Variants in EXOC6B observed in about 807,000 individuals in gnomAD.
EXOC6B encodes SEC15 homolog B.
A neutral mutation model predicts 113.5 loss-of-function variants in EXOC6B; 54 were observed. The ratio of observed to expected loss-of-function variants is 0.48; its 90% CI spans 0.38 to 0.60. The LOEUF (loss-of-function observed/expected upper bound fraction) is 0.60. Among genes scored for constraint, EXOC6B ranks in the 20% least tolerant of loss-of-function variants. The pLI, the probability that EXOC6B is intolerant of heterozygous loss-of-function variation, is 0.00. For synonymous variants in EXOC6B, 357 were observed against 339.0 expected, an observed-to-expected ratio of 1.05 and a Z score of -0.58; for missense variants, 797 against 977.5, an observed-to-expected ratio of 0.82 and a Z score of 2.46.
chr2:72,253,276 A>G (rs767964539), intron 20 of EXOC6B, among the ~76,000 whole-genome samples: 7 of 152,184 alleles, frequency 4.6e-5, no homozygotes, highest in Non-Finnish European at 1.0e-4. Flanking sequence ...CCACTGAGGA[A>G]AGCAGTTTGG....
chr2:72,308,479 TCTAA>T lies in EXOC6B; in HGVS notation c.2196+26464_2196+26467del, dbSNP rs1017947053. 2.2e-4 allele frequency among the ~76,000 whole-genome samples: 34 copies of T among 152,340 alleles called. 1 individual carries two copies. The highest frequency in any genetic ancestry group is 7.0e-4 in the African/African-American group (29 of 41,580). ...CGTTAAGCTAAAGTAAAAAAACTTT[TCTAA>T]CTAATTCACTTCTGCTACTGAGAAG... On this transcript the variant is annotated intron_variant, in intron 20 of 21. Coordinates refer to ENST00000272427, the MANE Select transcript of EXOC6B (RefSeq NM_015189.3).
chr2:72,805,226 TGATGACACC>T (rs1173639837), intron 1 of EXOC6B, among the ~76,000 whole-genome samples: 1 of 152,198 alleles, frequency 6.6e-6, no homozygotes, highest in Non-Finnish European at 1.5e-5. Flanking sequence ...AAAAACACAA[TGATGACACC>T]TGTGATTTCT....
At chr2:72,638,091 T>C (rs1672971701) in intron 6 of EXOC6B, among the ~76,000 whole-genome samples, 2 of 151,920 alleles carry the variant, frequency 1.3e-5, no homozygotes, top group African/African-American at 2.4e-5. Flanking sequence ...TCTGAAAAGA[T>C]AAAATCAACA....
At chr2:72,615,071 G>A (rs1286925763) in intron 6 of EXOC6B, among the ~76,000 whole-genome samples, 2 of 152,118 alleles carry the variant, frequency 1.3e-5, no homozygotes, top group Middle Eastern at 3.4e-3. Flanking sequence ...GGGGGAGGGA[G>A]GAGGTAAGGA....
chr2:72,820,398 T>C (rs562903032), intron 1 of EXOC6B, among the ~76,000 whole-genome samples: 2 of 152,288 alleles, frequency 1.3e-5, no homozygotes, highest in South Asian at 2.1e-4. Context: ...GGTAACTGTA[T>C]CATTAATATA....
At chr2:72,810,175 T>G (rs865818409) in intron 1 of EXOC6B, among the ~76,000 whole-genome samples, 1 of 151,922 alleles carries the variant, frequency 6.6e-6, no homozygotes, top group African/African-American at 2.4e-5. Flanking sequence ...AAGGGAAATT[T>G]TATGAAGCTT....
intron 20 of EXOC6B, among the ~76,000 whole-genome samples, chr2:72,196,055 T>C (rs544576003): frequency 6.6e-6 from 1 of 152,288 alleles, no homozygotes; most frequent in Non-Finnish European, 1.5e-5. Flanking sequence ...ATTAGTAAAT[T>C]TTTATACACA....
At chr2:72,672,128 G>A (rs536565319) in intron 6 of EXOC6B, among the ~76,000 whole-genome samples, 2 of 148,946 alleles carry the variant, frequency 1.3e-5, no homozygotes, top group South Asian at 4.3e-4. Context: ...ACAGAGAACT[G>A]TATGGAAGTT....
At chr2:72,182,551 A>C (rs1317046947) in intron 21 of EXOC6B, among the ~76,000 whole-genome samples, 1 of 152,044 alleles carries the variant, frequency 6.6e-6, no homozygotes, top group East Asian at 1.9e-4. Flanking sequence ...GAGGCTGCTG[A>C]GGAGCTCCCT....
At chr2:72,755,486 C>G (rs977440046) in intron 1 of EXOC6B, among the ~76,000 whole-genome samples, 2 of 151,846 alleles carry the variant, frequency 1.3e-5, no homozygotes, top group Admixed American at 6.6e-5. Flanking sequence ...CAAAGCAGTG[C>G]CCAAAAATGT....
At chr2:72,751,271 T>A (rs1363779926) in intron 1 of EXOC6B, among the ~76,000 whole-genome samples, 1 of 152,126 alleles carries the variant, frequency 6.6e-6, no homozygotes, top group Non-Finnish European at 1.5e-5. Flanking sequence ...AAGATTTAGA[T>A]TGGTATGATC....
At chr2:72,656,749 A>T (rs1397066744) in intron 6 of EXOC6B, among the ~76,000 whole-genome samples, 1 of 152,220 alleles carries the variant, frequency 6.6e-6, no homozygotes, top group African/African-American at 2.4e-5. Flanking sequence ...CTATCAGTTG[A>T]TATATGTACT....
intron 1 of EXOC6B, among the ~76,000 whole-genome samples, chr2:72,759,801 G>C (rs907603481): frequency 6.6e-6 from 1 of 152,136 alleles, no homozygotes; most frequent in Admixed American, 6.5e-5. Flanking sequence ...TTTAGAAAAA[G>C]TCCAGGAAAT....
intron 6 of EXOC6B, among the ~76,000 whole-genome samples, chr2:72,651,069 A>G (rs1034533079): frequency 2.0e-5 from 3 of 152,206 alleles, no homozygotes; most frequent in Non-Finnish European, 4.4e-5. Context: ...CAACCAGTCA[A>G]TAACAGCAAT....
intron 20 of EXOC6B, among the ~76,000 whole-genome samples, chr2:72,312,062 G>A (rs946122537): frequency 6.6e-6 from 1 of 152,130 alleles, no homozygotes; most frequent in Non-Finnish European, 1.5e-5. Flanking sequence ...CATATATCCC[G>A]AAATACCTCA....
intron 6 of EXOC6B, among the ~76,000 whole-genome samples, chr2:72,707,208 T>C (rs1678941093): frequency 6.6e-6 from 1 of 152,196 alleles, no homozygotes; most frequent in Admixed American, 6.5e-5. Context: ...TTTATGATAA[T>C]TTGTAATGCA....
In EXOC6B at chr2:72,465,216, G is replaced by A. The variant is rs763202389; in HGVS notation, c.1924C>T (p.Leu642=). 1.2e-6 allele frequency: 2 copies of A among 1,611,908 alleles called. No homozygotes were observed. Among genetic ancestry groups the A allele is most frequent in the African/African-American group, 1.3e-5 (1 of 74,920 alleles). Residue 642 remains leucine, a synonymous_variant, in exon 18 of 22, where the codon CTG becomes TTG. Transcript: ENST00000272427. ...CGAAGAAAGGCAATGAGGTCTACCAGGTAATCACTAGCTTTGTTGCCCAAA... is the reference window on the plus strand; with the variant it reads ...CGAAGAAAGGCAATGAGGTCTACCAAGTAATCACTAGCTTTGTTGCCCAAA... ...GDLGNKASDY[L]VDLIAFLRST...
intron 18 of EXOC6B, among the ~76,000 whole-genome samples, chr2:72,405,021 T>C (rs1379994128): frequency 6.6e-6 from 1 of 152,056 alleles, no homozygotes; most frequent in East Asian, 1.9e-4. Flanking sequence ...AAGGACCTGA[T>C]GGAGCTGAAA....
intron 8 of EXOC6B, among the ~76,000 whole-genome samples, chr2:72,528,981 G>C (rs1247811966): frequency 1.3e-5 from 2 of 151,982 alleles, no homozygotes; most frequent in Non-Finnish European, 2.9e-5. Flanking sequence ...CAATCAGCAG[G>C]TTATTTGCAA....
Sources: allele counts gnomAD v4.1 joint callset (sites outside exome capture counted in the v4.1 genomes callset), GRCh38; gene constraint gnomAD v4.1.1; transcripts MANE v1.5; gene names NCBI Gene and HGNC (gene_info 2026-07-23, HGNC 2026-07-21).